Variants in FIGN observed in about 807,000 individuals in gnomAD.
FIGN encodes fidgetin.
Under a neutral mutation model 51.3 loss-of-function variants are expected in FIGN, and 11 were observed. That is an observed-to-expected ratio of 0.21 (90% CI 0.13 to 0.35). The LOEUF (loss-of-function observed/expected upper bound fraction) is 0.35, where lower values mean the gene tolerates loss of function less well. Among genes scored for constraint, FIGN ranks in the 10% least tolerant of loss-of-function variants. The pLI is 1.00. For missense variants in FIGN, 857 were observed against 943.6 expected (o/e 0.91, Z 1.20); for synonymous variants, 407 against 363.2 (o/e 1.12, Z -1.37).
intron 2 of FIGN, among the ~76,000 whole-genome samples, chr2:163,733,521 G>C (rs1430427828): frequency 1.3e-5 from 2 of 152,106 alleles, no homozygotes; most frequent in South Asian, 4.1e-4. Context: ...GAGGGAAATC[G>C]CCCATCTGGC....
intron 2 of FIGN, among the ~76,000 whole-genome samples, chr2:163,690,129 T>A (rs1684217537): frequency 6.6e-6 from 1 of 152,094 alleles, no homozygotes; most frequent in Non-Finnish European, 1.5e-5. Flanking sequence ...TACCAATGAT[T>A]CAATGTCAAG....
chr2:163,629,669 T>G (rs1392622967), intron 2 of FIGN, among the ~76,000 whole-genome samples: 1 of 152,136 alleles, frequency 6.6e-6, no homozygotes, highest in East Asian at 1.9e-4. Context: ...TTATGTATTA[T>G]CTATGGTTGC....
chr2:163,629,952 CTTTT>C (rs71297448), intron 2 of FIGN, among the ~76,000 whole-genome samples: 388 of 56,822 alleles, frequency 6.8e-3, no homozygotes, highest in South Asian at 7.4e-3. Flanking sequence ...GAAAGGGGCA[CTTTT>C]TTTTTTTTTT....
intron 2 of FIGN, among the ~76,000 whole-genome samples, chr2:163,667,733 G>A (rs1286900262): frequency 6.6e-6 from 1 of 152,072 alleles, no homozygotes; most frequent in African/African-American, 2.4e-5. Flanking sequence ...ATCATATCCT[G>A]TTCTAGGCAG....
Position 163,704,716 on chromosome 2 carries a change from GC to G in FIGN, c.25+30186del, listed in dbSNP as rs545741511. 6.8e-5 allele frequency among the ~76,000 whole-genome samples: 10 copies of G among 146,584 alleles called. No individual in the cohort carries two copies. In the South Asian group the frequency reaches 2.2e-3, roughly 32 times the overall value. The stretch of plus-strand genomic sequence containing the variant: ...GTGCTTAGTAAATGCTCAACAAATA[GC>G]GGTTACTATTCACCGTTAGTAAGAA... On this transcript the variant is annotated intron_variant, in intron 2 of 2. Transcript: ENST00000333129.
chr2:163,671,346 T>C (rs1440348216), intron 2 of FIGN, among the ~76,000 whole-genome samples: 1 of 152,188 alleles, frequency 6.6e-6, no homozygotes, highest in African/African-American at 2.4e-5. Context: ...GAAGAGATCA[T>C]GCAGAAGAAT....
chr2:163,670,667 T>C (rs1683861751), intron 2 of FIGN, among the ~76,000 whole-genome samples: 1 of 152,218 alleles, frequency 6.6e-6, no homozygotes, highest in African/African-American at 2.4e-5. Flanking sequence ...TGTAGAAAGA[T>C]TTAATCAGGC....
In FIGN at chr2:163,603,512, A is replaced by C. The variant is rs1159932224; in HGVS notation, c.*6040T>G. ...ATGGCATTCCTCACCTAATACAGTA[A>C]ACAAATAAAACAAAACAAAAACCCT... On this transcript the variant is annotated 3_prime_UTR_variant, in exon 3 of 3. Transcript: ENST00000333129. 1 of 152,110 alleles carries C rather than the reference A, an allele frequency of 6.6e-6. No individual in the cohort carries two copies. Among genetic ancestry groups the C allele is most frequent in the Non-Finnish European group, 1.5e-5 (1 of 67,992 alleles). The allele number at this position is 152,110 out of a possible 1,614,324, so 9.4% of individuals were successfully genotyped here. A position where few individuals can be genotyped will look rare whatever the true frequency, so the allele number is the denominator to read the frequency against.
In FIGN at chr2:163,724,779, CTGAGAA is replaced by C. The variant is rs200418912; in HGVS notation, c.25+10118_25+10123del. On this transcript the variant is annotated intron_variant, in intron 2 of 2. Transcript: ENST00000333129. Reference sequence around the variant, plus strand: ...GTATGTTAAGAGAGAATAAAAGAGTCTGAGAATAAGTTGAACCATCTTTAAAGGCAT... The same window carrying C: ...GTATGTTAAGAGAGAATAAAAGAGTCTAAGTTGAACCATCTTTAAAGGCAT... Among the ~76,000 whole-genome samples the C allele has an allele frequency of 8.7e-3, 1,326 of 152,148 alleles. 19 individuals are homozygous for C. Among genetic ancestry groups the C allele is most frequent in the African/African-American group, 0.031 (1,269 of 41,508 alleles).
At chr2:163,662,256 C>T (rs1683697522) in intron 2 of FIGN, among the ~76,000 whole-genome samples, 2 of 152,140 alleles carry the variant, frequency 1.3e-5, no homozygotes, top group Admixed American at 1.3e-4. Context: ...CATTTTGTGC[C>T]TGCCCTAGAG....
intron 2 of FIGN, among the ~76,000 whole-genome samples, chr2:163,715,498 G>T (rs946585077): frequency 6.6e-6 from 1 of 152,156 alleles, no homozygotes; most frequent in African/African-American, 2.4e-5. Context: ...AATGGACTCT[G>T]ACAGCCACCC....
At chr2:163,626,574 C>T (rs1322542877) in intron 2 of FIGN, among the ~76,000 whole-genome samples, 2 of 151,962 alleles carry the variant, frequency 1.3e-5, no homozygotes, top group African/African-American at 4.8e-5. Flanking sequence ...AATAACTTTC[C>T]ATAATGATAA....
At position 163,604,278 on chromosome 2, in the gene FIGN, A is replaced by G. The variant is rs1018480865; in HGVS notation, c.*5274T>C. 2 of 152,122 alleles carry G rather than the reference A, an allele frequency of 1.3e-5. No homozygotes were observed. The highest frequency in any genetic ancestry group is 2.9e-5 in the Non-Finnish European group (2 of 67,976). 9.4% of individuals were successfully genotyped at this position (152,122 alleles called of 1,614,324 possible). A position where few individuals can be genotyped will look rare whatever the true frequency, so the allele number is the denominator to read the frequency against. On this transcript the variant is annotated 3_prime_UTR_variant, in exon 3 of 3. Transcript: ENST00000333129. The stretch of plus-strand genomic sequence containing the variant: ...TCTTAAGTAGCCAGATTGCCAGTGT[A>G]AAATACTTGGGAATGCTAACACATT...
Position 163,611,579 on chromosome 2 carries a change from G to T in FIGN, c.253C>A (p.Arg85=), listed in dbSNP as rs568198210. The T allele has an allele frequency of 4.3e-6, 7 of 1,614,156 alleles. No individual in the cohort carries two copies. In the South Asian group the frequency reaches 7.7e-5, roughly 18 times the overall value. ...YSGILEGPVD[R]PVLSNYSDTP... The stretch of plus-strand genomic sequence containing the variant: ...TCCGAATAGTTGCTGAGTACGGGTC[G>T]GTCCACAGGACCTTCCAAAATGCCG... Residue 85 remains arginine (R), a synonymous_variant, in exon 3 of 3, where the codon CGA becomes AGA. Transcript: ENST00000333129.
rs1335490600 is a variant in FIGN, at chr2:163,668,023, C to CG, written c.26-56218_26-56217insC. Among the ~76,000 whole-genome samples the CG allele has an allele frequency of 9.8e-4, 146 of 149,574 alleles. 3 individuals carry two copies. The highest frequency in any genetic ancestry group is 3.2e-3 in the African/African-American group (129 of 39,924). On this transcript the variant is annotated intron_variant, in intron 2 of 2. Transcript: ENST00000333129. The stretch of plus-strand genomic sequence containing the variant: ...AACACCCCTACCTCCAACCCCCCCC[C>CG]CCAAAAAACCCTCCACAAGTAACAA...
rs77891698 is a variant in FIGN, at chr2:163,728,116, T to C, written c.25+6787A>G. Among the ~76,000 whole-genome samples the C allele has an allele frequency of 7.2e-3, 1,095 of 152,330 alleles. 11 individuals carry two copies. The highest frequency in any genetic ancestry group is 0.025 in the African/African-American group (1,029 of 41,574). ...TTTATATAGCTAAAATACCACTTTCTAATGTCCACGTATCAATACTGACAC... is the reference window on the plus strand; with the variant it reads ...TTTATATAGCTAAAATACCACTTTCCAATGTCCACGTATCAATACTGACAC... On this transcript the variant is annotated intron_variant, in intron 2 of 2. Transcript: ENST00000333129.
chr2:163,650,081 T>C (rs1379962006), intron 2 of FIGN, among the ~76,000 whole-genome samples: 1 of 152,098 alleles, frequency 6.6e-6, no homozygotes, highest in Non-Finnish European at 1.5e-5. Flanking sequence ...GACTGACACA[T>C]AGAGAAAGGC....
At chr2:163,687,382 G>C (rs1269210612) in intron 2 of FIGN, among the ~76,000 whole-genome samples, 1 of 152,186 alleles carries the variant, frequency 6.6e-6, no homozygotes, top group Non-Finnish European at 1.5e-5. Flanking sequence ...TTAGAGAGCA[G>C]AACACACTGT....
At chr2:163,685,469 T>C (rs1684132829) in intron 2 of FIGN, among the ~76,000 whole-genome samples, 1 of 152,176 alleles carries the variant, frequency 6.6e-6, no homozygotes, top group African/African-American at 2.4e-5. Flanking sequence ...CGTGTTCCCC[T>C]TAGGGCATAG....
Sources: gnomAD v4.1 joint callset for allele counts (sites outside exome capture counted in the v4.1 genomes callset) on GRCh38, gnomAD v4.1.1 for gene constraint, MANE v1.5 for transcripts, NCBI Gene and HGNC (gene_info 2026-07-23, HGNC 2026-07-21) for gene names.